Variants in MCM3AP observed in about 807,000 individuals in gnomAD.
MCM3AP encodes the protein minichromosome maintenance complex component 3 associated protein.
Under a neutral mutation model 184.1 loss-of-function variants are expected in MCM3AP, and 126 were observed. The observed-to-expected ratio is 0.68, with a 90% CI of 0.59 to 0.79. MCM3AP has a LOEUF of 0.79. Ranked by LOEUF, MCM3AP falls within the 30% of genes least tolerant of loss-of-function variation. The pLI is 0.00. For synonymous variants in MCM3AP, 1,002 were observed against 979.3 expected, an observed-to-expected ratio of 1.02 and a Z score of -0.43; for missense variants, 2,496 against 2,479.2, an observed-to-expected ratio of 1.01 and a Z score of -0.14.
chr21:46,278,165 A>G (rs1166685615), intron 4 of MCM3AP, among the ~76,000 whole-genome samples: 2 of 49,340 alleles, frequency 4.1e-5, no homozygotes, highest in African/African-American at 6.0e-5. Flanking sequence ...CCACCCCCCG[A>G]AAAAAAAAAA....
intron 16 of MCM3AP, among the ~76,000 whole-genome samples, chr21:46,257,556 G>A (rs539545044): frequency 6.6e-6 from 1 of 150,894 alleles, no homozygotes; most frequent in South Asian, 2.1e-4. Flanking sequence ...CTCCACACAC[G>A]TGCCTGTGTG....
chr21:46,272,918 A>C, intron 7 of MCM3AP, 89 bp from the exon 8 acceptor site: 177 of 1,282,780 alleles, frequency 1.4e-4, no homozygotes, highest in Non-Finnish European at 1.7e-4. Flanking sequence ...TCAATTTCTC[A>C]CTTTTCAATT....
At chr21:46,265,891 C>T in intron 11 of MCM3AP, 34 bp downstream of exon 11, 1 of 1,515,196 alleles carries the variant, frequency 6.6e-7, no homozygotes, top group Non-Finnish European at 8.9e-7. Flanking sequence ...GAAAATGCAG[C>T]TAGTCCCCTC....
At chr21:46,249,720 G>A (rs1275124568) in intron 20 of MCM3AP, 2 of 397,492 alleles carry the variant, frequency 5.0e-6, no homozygotes, top group South Asian at 3.8e-5. Flanking sequence ...GCAACACTGA[G>A]CAAGCACCTG....
intron 16 of MCM3AP, among the ~76,000 whole-genome samples, chr21:46,258,374 C>A (rs2080988529): frequency 6.6e-6 from 1 of 152,212 alleles, no homozygotes; most frequent in Non-Finnish European, 1.5e-5. Context: ...CACTTACACC[C>A]AGTTGAGAAG....
intron 15 of MCM3AP, among the ~76,000 whole-genome samples, chr21:46,260,016 C>T (rs2081021030): frequency 6.6e-6 from 1 of 151,408 alleles, no homozygotes; most frequent in African/African-American, 2.4e-5. Flanking sequence ...GCAGAGGTTG[C>T]AGTGAACCCA....
At chr21:46,279,854 T>G in intron 4 of MCM3AP, 139 bp downstream of exon 4, 2 of 699,828 alleles carry the variant, frequency 2.9e-6, no homozygotes, top group Non-Finnish European at 4.3e-6. Flanking sequence ...CCCCTGCCCC[T>G]CCACCCCCAA....
In MCM3AP at chr21:46,258,971, C is replaced by A; in HGVS notation, c.3702G>T (p.Gln1234His). ...EIFQTAKETL[Q>H]ELQCFCKYLQ... The stretch of plus-strand genomic sequence containing the variant: ...GATACTTGCAGAAGCACTGAAGCTC[C>A]TGGAGGGTCTCCTTTGCAGTCTGGA... Residue 1234 changes from glutamine (Q) to histidine (H), a missense_variant, in exon 16 of 28, where the codon CAG (glutamine) becomes CAT (histidine). Around this residue, in one of 5 missense-constraint regions of MCM3AP, gnomAD observed 1,323 missense variants for 1,273.4 expected, o/e 1.04. Coordinates refer to ENST00000291688, the MANE Select transcript of MCM3AP (RefSeq NM_003906.5). The A allele has an allele frequency of 6.2e-7, 1 of 1,614,118 alleles. No individual in the cohort carries two copies. The highest frequency in any genetic ancestry group is 2.2e-5 in the East Asian group (1 of 44,882).
intron 19 of MCM3AP, chr21:46,253,766 G>A (rs1324115580): frequency 1.3e-5 from 2 of 153,366 alleles, no homozygotes; most frequent in Middle Eastern, 3.4e-3. Flanking sequence ...TCTCATGATA[G>A]TGAGCTCTCA....
chr21:46,281,179 C>T (rs2081327493), intron 2 of MCM3AP, among the ~76,000 whole-genome samples: 1 of 152,172 alleles, frequency 6.6e-6, no homozygotes, highest in Non-Finnish European at 1.5e-5. Context: ...TGAGATGATT[C>T]TCACCAGCTG....
At chr21:46,273,285 C>T (rs1247422035) in intron 7 of MCM3AP, 103 bp downstream of exon 7, 6 of 1,175,802 alleles carry the variant, frequency 5.1e-6, no homozygotes, top group East Asian at 2.5e-5. Flanking sequence ...CACAAAAGTA[C>T]ATTTTTGTTA....
At position 46,235,388 on chromosome 21, in the gene MCM3AP, C is replaced by G. The variant is rs141757607; in HGVS notation, c.5823G>C (p.Ala1941=). The G allele has an allele frequency of 3.6e-4, 581 of 1,614,072 alleles. 3 individuals carry two copies. The highest frequency in any genetic ancestry group is 1.3e-3 in the Middle Eastern group (8 of 6,060). Residue 1941 remains alanine, a synonymous_variant, in exon 28 of 28, where the codon GCG becomes GCC. Transcript: ENST00000291688. ...MMREQLQLSE[A]TGTCLGERLK... ...GTCGTTCGCCTAGACACGTTCCTGT[C>G]GCCTCTGACAGCTGCAGTTGCTCCC...
At position 46,237,547 on chromosome 21, in the gene MCM3AP, G is replaced by A. The variant is rs140076476; in HGVS notation, c.5634-568C>T. Among the ~76,000 whole-genome samples the A allele has an allele frequency of 1.4e-3, 164 of 116,874 alleles. 44 individuals carry two copies. Among genetic ancestry groups the A allele is most frequent in the East Asian group, 0.01 (45 of 4,392 alleles). The allele number at this position is 116,874 out of a possible 152,430, so 76.7% of individuals were successfully genotyped here. On this transcript the variant is annotated intron_variant, in intron 26 of 27. Coordinates refer to ENST00000291688, the MANE Select transcript of MCM3AP (RefSeq NM_003906.5). ...CTCCCAAATACCTGGGACTAGAGGC[G>A]CATGCCACCCAGCTAATTTTTGTAT...
At chr21:46,280,436 T>A (rs2081317424) in intron 3 of MCM3AP, 61 bp downstream of exon 3, 1 of 1,263,784 alleles carries the variant, frequency 7.9e-7, no homozygotes, top group Non-Finnish European at 1.1e-6. Flanking sequence ...CGAGATCTCA[T>A]CTCTATAAAA....
rs2080536277 is a variant in MCM3AP, at chr21:46,236,832, T to A, written c.5781A>T (p.Pro1927=). 6.5e-7 allele frequency: 1 copy of A among 1,547,718 alleles called. No homozygotes were observed. The highest frequency in any genetic ancestry group is 2.2e-5 in the Admixed American group (1 of 45,996). Residue 1927 remains proline (P), a synonymous_variant, in exon 27 of 28, where the codon CCA becomes CCT. Transcript: ENST00000291688. ...PVMKTSVTTS[P]QSDMMREQLQ... ...CAAATGTATACGTTCTTCTCACCTGTGGGCTAGTAGTTACAGATGTTTTCA... is the reference window on the plus strand; with the variant it reads ...CAAATGTATACGTTCTTCTCACCTGAGGGCTAGTAGTTACAGATGTTTTCA...
rs1384913462 is a variant in MCM3AP at position 46,272,582 on chromosome 21, A to G, written c.2444T>C (p.Leu815Pro). Reference sequence around the variant, plus strand: ...TCACCTTAGGATGTCTCCCTTGTTGAGACTGAGCAGAACATTGTAGCCCTG... The same window carrying G: ...TCACCTTAGGATGTCTCCCTTGTTGGGACTGAGCAGAACATTGTAGCCCTG... ...EFQGYNVLLS[L>P]NKGDILREVQ... The change falls in exon 8 of 28, where the codon CTC (leucine) becomes CCC (proline). Residue 815 changes from leucine to proline, a missense_variant. Physicochemically the swap from Leu to Pro is moderately conservative, Grantham distance 98. Around this residue, in one of 5 missense-constraint regions of MCM3AP, gnomAD observed 105 missense variants for 97.1 expected, o/e 1.08. Coordinates refer to ENST00000291688, the MANE Select transcript of MCM3AP (RefSeq NM_003906.5). The G allele has an allele frequency of 6.2e-7, 1 of 1,613,996 alleles. No individual in the cohort carries two copies. The highest frequency in any genetic ancestry group is 8.5e-7 in the Non-Finnish European group (1 of 1,179,934).
intron 26 of MCM3AP, among the ~76,000 whole-genome samples, chr21:46,239,141 C>G (rs919573876): frequency 6.6e-6 from 1 of 152,198 alleles, no homozygotes; most frequent in Non-Finnish European, 1.5e-5. Flanking sequence ...TGTGAACTGC[C>G]TACCATGCTC....
chr21:46,251,876 T>A, intron 19 of MCM3AP, 194 bp from the exon 20 acceptor site: 2 of 309,440 alleles, frequency 6.5e-6, no homozygotes, highest in East Asian at 4.7e-5. Context: ...CGATCTGTAC[T>A]CGTTCTTTTT....
At position 46,267,107 on chromosome 21, in the gene MCM3AP, C is replaced by A; in HGVS notation, c.2664G>T (p.Ala888=). 2 of 1,614,036 alleles carry A rather than the reference C, an allele frequency of 1.2e-6. No homozygotes were observed. Among genetic ancestry groups the A allele is most frequent in the South Asian group, 2.2e-5 (2 of 91,046 alleles). The change falls in exon 10 of 28, where the codon GCG becomes GCT. Residue 888 remains alanine (A), a synonymous_variant. Transcript: ENST00000291688. ...TAGATCGCTGTGTGCTCACCGTGTA[C>A]GCAAAGTTGAGCGCCCGGAGAGCAT... is the stretch of plus-strand genomic sequence containing the variant. The part of the protein sequence containing the change: ...RKDALRALNF[A]YTVSTQRSTI...
Sources: gnomAD v4.1 joint callset for allele counts (sites outside exome capture counted in the v4.1 genomes callset) on GRCh38, gnomAD v4.1.1 for gene constraint, gnomAD v4.1.1 regional missense constraint, MANE v1.5 for transcripts, NCBI Gene and HGNC (gene_info 2026-07-23, HGNC 2026-07-21) for gene names.